CACNA2D3: variants seen among roughly 807,000 people sequenced by gnomAD.
The protein encoded by CACNA2D3 is voltage-dependent calcium channel subunit alpha-2/delta-3.
CACNA2D3 carries 60 observed loss-of-function variants against 160.6 expected under a neutral mutation model. That is an observed-to-expected ratio of 0.37 (90% CI 0.30 to 0.46). CACNA2D3 has a LOEUF of 0.46. Ranked by LOEUF, CACNA2D3 falls within the 20% of genes least tolerant of loss-of-function variation. The probability of loss-of-function intolerance (pLI) is 1.00; values close to 1 mark genes in which losing one functional copy is unlikely to be tolerated. For synonymous variants in CACNA2D3, 558 were observed against 492.9 expected (o/e 1.13, Z -1.75); for missense variants, 1,205 against 1,365.0 (o/e 0.88, Z 1.85).
intron 13 of CACNA2D3, among the ~76,000 whole-genome samples, chr3:54,782,442 G>A (rs4955894): frequency 0.065 from 9,885 of 152,178 alleles, 631 homozygotes; most frequent in East Asian, 0.29. Context: ...TCATTATTAT[G>A]TAGAAATTCA....
chr3:54,795,429 A>G (rs986164262), intron 13 of CACNA2D3, among the ~76,000 whole-genome samples: 1 of 139,178 alleles, frequency 7.2e-6, no homozygotes, highest in South Asian at 2.2e-4. Context: ...TTTCCCATTT[A>G]TATAGTAATT....
At chr3:54,409,197 G>A (rs995938545) in intron 4 of CACNA2D3, among the ~76,000 whole-genome samples, 2 of 152,170 alleles carry the variant, frequency 1.3e-5, no homozygotes, top group Non-Finnish European at 2.9e-5. Flanking sequence ...CTCACGTCAT[G>A]TCTTTGTGTC....
At chr3:54,165,575 C>T (rs541194844) in intron 2 of CACNA2D3, among the ~76,000 whole-genome samples, 1 of 147,882 alleles carries the variant, frequency 6.8e-6, no homozygotes, top group South Asian at 2.1e-4. Context: ...CTGTAATTCC[C>T]CTTTGGGAAG....
At chr3:54,370,437 A>G (rs1311074123) in intron 3 of CACNA2D3, among the ~76,000 whole-genome samples, 2 of 152,246 alleles carry the variant, frequency 1.3e-5, no homozygotes, top group African/African-American at 2.4e-5. Context: ...CTAAAGACAC[A>G]TAAAAGATGC....
chr3:55,033,582 G>GTA (rs755336238), intron 35 of CACNA2D3, among the ~76,000 whole-genome samples: 14,492 of 118,848 alleles, frequency 0.12, 828 homozygotes, highest in Middle Eastern at 0.17. Flanking sequence ...TTATGTGTGT[G>GTA]TGTATATATA....
At position 54,924,798 on chromosome 3, in the gene CACNA2D3, C is replaced by G. The variant is rs148479869; in HGVS notation, c.2449+24930C>G. On this transcript the variant is annotated intron_variant, in intron 27 of 37. Transcript: ENST00000474759. ...TATAGTTAGGTTCTCCCAAGTCTCT[C>G]CCAAGGATGTGGGAAGGTGGCTTAT... 3 of 1,614,084 alleles carry G rather than the reference C, an allele frequency of 1.9e-6. No homozygotes were observed. The African/African-American group carries it at 4.0e-5, about 22-fold the overall frequency.
intron 13 of CACNA2D3, among the ~76,000 whole-genome samples, chr3:54,816,153 A>G (rs985207963): frequency 6.6e-6 from 1 of 152,162 alleles, no homozygotes; most frequent in Non-Finnish European, 1.5e-5. Flanking sequence ...TTGTTCTTAG[A>G]ACATCAGCTT....
At chr3:54,977,030 A>C (rs1408839955) in intron 29 of CACNA2D3, among the ~76,000 whole-genome samples, 2 of 152,348 alleles carry the variant, frequency 1.3e-5, no homozygotes, top group Admixed American at 1.3e-4. Flanking sequence ...TTTTTAAATA[A>C]ATTTAGGTTA....
intron 4 of CACNA2D3, among the ~76,000 whole-genome samples, chr3:54,477,741 G>T (rs1038743947): frequency 1.3e-5 from 2 of 152,024 alleles, no homozygotes; most frequent in Admixed American, 1.3e-4. Context: ...ATCTTCACAC[G>T]GAGATCAGAT....
At chr3:54,784,436 C>T (rs1702595424) in intron 13 of CACNA2D3, among the ~76,000 whole-genome samples, 1 of 151,996 alleles carries the variant, frequency 6.6e-6, no homozygotes, top group Admixed American at 6.6e-5. Flanking sequence ...GTGACATTGT[C>T]AGACTTTTTT....
intron 2 of CACNA2D3, among the ~76,000 whole-genome samples, chr3:54,260,798 C>G (rs564923320): frequency 2.0e-5 from 3 of 152,210 alleles, no homozygotes; most frequent in African/African-American, 7.2e-5. Context: ...GTGCTCTTTC[C>G]CCACTTCTTT....
intron 11 of CACNA2D3, among the ~76,000 whole-genome samples, chr3:54,661,459 A>G (rs1699968789): frequency 6.6e-6 from 1 of 152,134 alleles, no homozygotes; most frequent in South Asian, 2.1e-4. Flanking sequence ...TACTTATTGA[A>G]ATGTGTTTCG....
chr3:54,663,264 G>T (rs1468146768), intron 11 of CACNA2D3, among the ~76,000 whole-genome samples: 1 of 152,224 alleles, frequency 6.6e-6, no homozygotes, highest in African/African-American at 2.4e-5. Context: ...TGTGTGGGAA[G>T]ATCTGTGGAT....
At chr3:54,336,867 C>T (rs941716367) in intron 3 of CACNA2D3, among the ~76,000 whole-genome samples, 1 of 152,248 alleles carries the variant, frequency 6.6e-6, no homozygotes, top group South Asian at 2.1e-4. Flanking sequence ...GTATATAAAA[C>T]ACCCATATGC....
chr3:54,554,298 C>T (rs1227843266), intron 5 of CACNA2D3, among the ~76,000 whole-genome samples: 1 of 152,128 alleles, frequency 6.6e-6, no homozygotes, highest in Non-Finnish European at 1.5e-5. Flanking sequence ...ATTTATTTGC[C>T]ATTGTTTCTC....
chr3:54,301,470 A>C (rs192493265), intron 2 of CACNA2D3, among the ~76,000 whole-genome samples: 32 of 152,334 alleles, frequency 2.1e-4, no homozygotes, highest in Non-Finnish European at 4.3e-4. Context: ...TCTCAAAAAA[A>C]ATAAGTACAA....
intron 4 of CACNA2D3, among the ~76,000 whole-genome samples, chr3:54,407,867 G>C (rs2106719148): frequency 6.6e-6 from 1 of 152,258 alleles, no homozygotes; most frequent in East Asian, 1.9e-4. Context: ...CATGCTCAGA[G>C]ATCTGCTGCT....
At chr3:54,309,520 A>G (rs922717473) in intron 2 of CACNA2D3, among the ~76,000 whole-genome samples, 2 of 152,094 alleles carry the variant, frequency 1.3e-5, no homozygotes, top group African/African-American at 4.8e-5. Flanking sequence ...AGTGGTGGAA[A>G]TCTGTCAGAG....
chr3:54,579,093 A>T (rs1702633851), intron 8 of CACNA2D3, among the ~76,000 whole-genome samples: 1 of 152,192 alleles, frequency 6.6e-6, no homozygotes, highest in African/African-American at 2.4e-5. Context: ...GAGAGTGTGT[A>T]TTAGGTAGAA....
Sources: gnomAD v4.1 joint callset for allele counts (sites outside exome capture counted in the v4.1 genomes callset) on GRCh38, gnomAD v4.1.1 for gene constraint, MANE v1.5 for transcripts, NCBI Gene and HGNC (gene_info 2026-07-23, HGNC 2026-07-21) for gene names.